ZNF254: variants seen among roughly 807,000 people sequenced by gnomAD.
ZNF254 encodes the protein zinc finger protein 254.
Under a neutral mutation model 12.4 loss-of-function variants are expected in ZNF254, and 10 were observed. The observed-to-expected ratio is 0.80, with a 90% confidence interval of 0.50 to 1.36. The LOEUF is 1.36. ZNF254 is among the 40% of genes most tolerant of loss of function. The probability of loss-of-function intolerance (pLI) is 0.00; values close to 1 mark genes in which losing one functional copy is unlikely to be tolerated. For missense variants in ZNF254, 996 were observed against 763.9 expected (o/e 1.30, Z -3.58); for synonymous variants, 305 against 253.4 (o/e 1.20, Z -1.93).
intron 1 of ZNF254, among the ~76,000 whole-genome samples, chr19:24,096,849 C>T (rs889623701): frequency 1.3e-5 from 2 of 152,170 alleles, no homozygotes; most frequent in African/African-American, 4.8e-5. Flanking sequence ...GAATTTTATA[C>T]AACACCTTTC....
intron 2 of ZNF254, among the ~76,000 whole-genome samples, chr19:24,068,270 C>T (rs1224462561): frequency 1.3e-5 from 2 of 151,192 alleles, no homozygotes; most frequent in Non-Finnish European, 2.9e-5. Flanking sequence ...GCCCAGCACA[C>T]AGGTGATGTG....
At chr19:24,116,930 C>T (rs1974119045) in intron 3 of ZNF254, among the ~76,000 whole-genome samples, 2 of 152,150 alleles carry the variant, frequency 1.3e-5, no homozygotes, top group Non-Finnish European at 2.9e-5. Flanking sequence ...CCCTCAGCTG[C>T]AGGTCTGTTG....
At chr19:24,125,222 C>G (rs925337831) in intron 3 of ZNF254, among the ~76,000 whole-genome samples, 1 of 130,748 alleles carries the variant, frequency 7.6e-6, no homozygotes, top group Non-Finnish European at 1.7e-5. Flanking sequence ...ATTTTTACAT[C>G]TTTTTTTTTT....
chr19:24,117,743 C>G (rs868202785), intron 3 of ZNF254, among the ~76,000 whole-genome samples: 32 of 152,122 alleles, frequency 2.1e-4, no homozygotes, highest in African/African-American at 7.7e-4. Context: ...TGAGATGAAC[C>G]CGGTACCTCG....
At chr19:24,111,297 G>T (rs1688398383) in intron 3 of ZNF254, among the ~76,000 whole-genome samples, 2 of 152,076 alleles carry the variant, frequency 1.3e-5, no homozygotes, top group South Asian at 2.1e-4. Flanking sequence ...ATTATTGATG[G>T]CTGCATAGTA....
chr19:24,100,678 CTCTCTT>C (rs1972964210), intron 1 of ZNF254, among the ~76,000 whole-genome samples: 5 of 136,106 alleles, frequency 3.7e-5, no homozygotes, highest in Admixed American at 7.2e-5. Flanking sequence ...GTATGTCTCT[CTCTCTT>C]TTTTTTTTTT....
intron 1 of ZNF254, among the ~76,000 whole-genome samples, chr19:24,045,710 G>A (rs11666415): frequency 0.15 from 23,311 of 150,828 alleles, 1,840 homozygotes; most frequent in Middle Eastern, 0.17. Context: ...CCTTCTTCGG[G>A]GCCGAGAGAA....
chr19:24,109,921 G>A (rs1292167034), intron 3 of ZNF254, among the ~76,000 whole-genome samples: 1 of 150,832 alleles, frequency 6.6e-6, no homozygotes. Flanking sequence ...GTAGAGACGG[G>A]GTTTGCCATG....
intron 2 of ZNF254, among the ~76,000 whole-genome samples, chr19:24,068,510 AG>A (rs1971362113): frequency 6.6e-6 from 1 of 152,174 alleles, no homozygotes; most frequent in African/African-American, 2.4e-5. Context: ...CATGTTGGCC[AG>A]GCTGGTTTCT....
At chr19:24,077,182 T>G (rs4522533) in intron 2 of ZNF254, among the ~76,000 whole-genome samples, 128,888 of 152,208 alleles carry the variant, frequency 0.85, 54,673 homozygotes, top group Admixed American at 0.89. Context: ...TACTTATGAC[T>G]TGGAAGCCCC....
At chr19:24,054,962 TG>T in intron 2 of ZNF254, among the ~76,000 whole-genome samples, 2 of 151,884 alleles carry the variant, frequency 1.3e-5, no homozygotes. Flanking sequence ...CCCAGCACTT[TG>T]GGAGGCCGAG....
chr19:24,121,855 AC>A, intron 3 of ZNF254, among the ~76,000 whole-genome samples: 1 of 151,314 alleles, frequency 6.6e-6, no homozygotes, highest in South Asian at 2.1e-4. Flanking sequence ...ACACCAGGCT[AC>A]CCTTGGTTTT....
At position 24,126,327 on chromosome 19, in the gene ZNF254, G is replaced by T. The variant is rs866445659; in HGVS notation, c.327G>T (p.Leu109=). 4 of 1,605,964 alleles carry T rather than the reference G, an allele frequency of 2.5e-6. No homozygotes were observed. In the African/African-American group the frequency reaches 4.0e-5, roughly 16 times the overall value. Reference sequence around the variant, plus strand: ...AAGATTCTTTTCAAAAAGCAATACTGAGAAGATATGGAAAATATGGACATG... The same window carrying T: ...AAGATTCTTTTCAAAAAGCAATACTTAGAAGATATGGAAAATATGGACATG... The part of the protein sequence containing the change: ...GMEDSFQKAI[L]RRYGKYGHEN... The change falls in exon 4 of 4, where the codon CTG becomes CTT. Residue 109 remains leucine, a synonymous_variant. Coordinates refer to ENST00000357002, the MANE Select transcript of ZNF254 (RefSeq NM_203282.4).
chr19:24,043,218 G>A (rs1079564), intron 1 of ZNF254, among the ~76,000 whole-genome samples: 24,162 of 151,724 alleles, frequency 0.16, 2,090 homozygotes, highest in Middle Eastern at 0.23. Flanking sequence ...TAGCTAATAT[G>A]TCATCTTAAA....
At chr19:24,124,395 G>T (rs1236570266) in intron 3 of ZNF254, among the ~76,000 whole-genome samples, 1 of 152,042 alleles carries the variant, frequency 6.6e-6, no homozygotes, top group Admixed American at 6.6e-5. Flanking sequence ...CTAGGGTAAT[G>T]CTAAGAAATT....
At chr19:24,090,810 A>C (rs1490668185) in intron 1 of ZNF254, among the ~76,000 whole-genome samples, 2 of 152,238 alleles carry the variant, frequency 1.3e-5, no homozygotes, top group Admixed American at 6.5e-5. Flanking sequence ...TGCAAAGGGC[A>C]TAAAAGAGGT....
At chr19:24,108,591 T>C (rs1369378312) in intron 3 of ZNF254, among the ~76,000 whole-genome samples, 1 of 152,198 alleles carries the variant, frequency 6.6e-6, no homozygotes, top group Non-Finnish European at 1.5e-5. Context: ...ATGTACCATG[T>C]AGCTGTCATT....
chr19:24,062,690 A>G (rs1971120571), intron 2 of ZNF254, among the ~76,000 whole-genome samples: 1 of 152,222 alleles, frequency 6.6e-6, no homozygotes, highest in Non-Finnish European at 1.5e-5. Flanking sequence ...TTTTGGAGGC[A>G]GCTGAGTGTT....
chr19:24,068,229 G>T (rs899279323), intron 2 of ZNF254, among the ~76,000 whole-genome samples: 1 of 151,650 alleles, frequency 6.6e-6, no homozygotes, highest in South Asian at 2.1e-4. Flanking sequence ...TCAGGGTGTT[G>T]CTCACAGAGA....
Sources: allele counts gnomAD v4.1 joint callset (sites outside exome capture counted in the v4.1 genomes callset), GRCh38; gene constraint gnomAD v4.1.1; transcripts MANE v1.5; gene names NCBI Gene and HGNC (gene_info 2026-07-23, HGNC 2026-07-21).